Variants in COL6A6 observed in about 807,000 individuals in gnomAD.
COL6A6 encodes collagen alpha-6(VI) chain.
A neutral mutation model predicts 208.6 loss-of-function variants in COL6A6; 183 were observed. The observed-to-expected ratio is 0.88, with a 90% CI of 0.78 to 0.99. The LOEUF (loss-of-function observed/expected upper bound fraction) is 0.99, where lower values mean the gene tolerates loss of function less well. Ranked by LOEUF, COL6A6 falls within the 50% of genes least tolerant of loss-of-function variation. The pLI is 0.00. For synonymous variants in COL6A6, 973 were observed against 1,011.8 expected (o/e 0.96, Z 0.73); for missense variants, 2,816 against 2,815.2 (o/e 1.00, Z -0.01).
chr3:130,529,287 TA>T (rs563804664), intron 1 of COL6A6, among the ~76,000 whole-genome samples: 19,967 of 98,444 alleles, frequency 0.2, 2,018 homozygotes, highest in African/African-American at 0.35. Context: ...GCAGGAAATG[TA>T]AAAAAAAAAA....
chr3:130,653,171 C>T (rs995866241), intron 33 of COL6A6, among the ~76,000 whole-genome samples: 8 of 152,186 alleles, frequency 5.3e-5, no homozygotes, highest in African/African-American at 1.7e-4. Flanking sequence ...TAAAATTTGA[C>T]GTGCTGCACA....
At chr3:130,520,683 A>G (rs925095208) in intron 1 of COL6A6, among the ~76,000 whole-genome samples, 1 of 152,196 alleles carries the variant, frequency 6.6e-6, no homozygotes, top group Non-Finnish European at 1.5e-5. Context: ...TTGCACTTTG[A>G]AAATCCAATA....
At chr3:130,658,542 A>G in intron 33 of COL6A6, 134 bp from the exon 34 acceptor site, 1 of 629,692 alleles carries the variant, frequency 1.6e-6, no homozygotes, top group Non-Finnish European at 2.9e-6. Flanking sequence ...AGCCATGCTT[A>G]CATGCTGTGC....
In COL6A6 at chr3:130,649,181, G is replaced by A; in HGVS notation, c.5352G>A (p.Val1784=). ...TGAAGGAGATGATGGCTTTCCTGGTGAGAGACATTAAGGTCCGGGAGAACA... is the reference window on the plus strand; with the variant it reads ...TGAAGGAGATGATGGCTTTCCTGGTAAGAGACATTAAGGTCCGGGAGAACA... The part of the protein sequence containing the change: ...ERMKEMMAFL[V]RDIKVRENSC... The change falls in exon 33 of 37, where the codon GTG becomes GTA. Residue 1784 remains valine, a synonymous_variant. Transcript: ENST00000358511. 6.3e-7 allele frequency: 1 copy of A among 1,595,624 alleles called. No homozygotes were observed. Among genetic ancestry groups the A allele is most frequent in the Non-Finnish European group, 8.5e-7 (1 of 1,170,776 alleles).
At position 130,665,051 on chromosome 3, in the gene COL6A6, GACTTA is replaced by G. The variant is rs752551436; in HGVS notation, c.6555_6559del (p.Asn2186TyrfsTer19). The G allele has an allele frequency of 2.5e-5, 41 of 1,610,590 alleles. No homozygotes were observed. In the African/African-American group the frequency reaches 5.2e-4, roughly 20 times the overall value. ...ATAAACTTAAAAATAAAGTGCAACA[GACTTA>G]ACTCTATAGATCCAAAGCAGCCCCC... On this transcript the variant is annotated frameshift_variant, in exon 36 of 37. Coordinates refer to ENST00000358511, the MANE Select transcript of COL6A6 (RefSeq NM_001102608.3). LOFTEE classifies it low-confidence loss of function (END_TRUNC).
chr3:130,591,150 A>G lies in COL6A6; in HGVS notation c.4272+56A>G. ...ATCCCTAAAAACATCTACAATATGA[A>G]TTTCCTTGAGTCAATTCAGGGGGAA... On this transcript the variant is annotated intron_variant, in intron 13 of 36. Coordinates refer to ENST00000358511, the MANE Select transcript of COL6A6 (RefSeq NM_001102608.3). The G allele has an allele frequency of 7.8e-6, 10 of 1,277,730 alleles. No individual in the cohort carries two copies. In the South Asian group the frequency reaches 1.3e-4, roughly 16 times the overall value. 79.1% of individuals were successfully genotyped at this position (1,277,730 alleles called of 1,614,324 possible).
chr3:130,587,985 GA>G (rs2063580399), intron 11 of COL6A6, among the ~76,000 whole-genome samples: 1 of 152,128 alleles, frequency 6.6e-6, no homozygotes, highest in African/African-American at 2.4e-5. Flanking sequence ...CACTCTACAA[GA>G]AAAACTTAAT....
At chr3:130,571,974 C>T (rs187339421) in intron 7 of COL6A6, among the ~76,000 whole-genome samples, 222 of 151,602 alleles carry the variant, frequency 1.5e-3, no homozygotes, top group African/African-American at 5.3e-3. Flanking sequence ...TGGGCCACTA[C>T]ACTGAGCTGA....
At chr3:130,668,582 TATATC>T (rs951367978) in intron 36 of COL6A6, among the ~76,000 whole-genome samples, 28 of 152,148 alleles carry the variant, frequency 1.8e-4, no homozygotes, top group African/African-American at 6.3e-4. Context: ...ACCAGGCAAA[TATATC>T]AAAAATAAAG....
rs773063778 is a variant in COL6A6, at chr3:130,563,059, GT to G, written c.65-5del. On this transcript the variant is annotated splice_polypyrimidine_tract_variant and splice_region_variant and intron_variant, in intron 2 of 36. Transcript: ENST00000358511. The stretch of plus-strand genomic sequence containing the variant: ...TTTTTGGTTCGTTCATATGTTTGTG[GT>G]TTTGCAGGCCCTGAGTATGCAGATG... 1 of 1,591,286 alleles carries G rather than the reference GT, an allele frequency of 6.3e-7. No individual in the cohort carries two copies.
At chr3:130,561,491 T>G (rs149035408) in intron 2 of COL6A6, among the ~76,000 whole-genome samples, 1,698 of 152,304 alleles carry the variant, frequency 0.011, 36 homozygotes, top group African/African-American at 0.039. Context: ...AACACACAGG[T>G]CTGCCAAAGC....
intron 8 of COL6A6, among the ~76,000 whole-genome samples, chr3:130,578,093 A>C (rs2063336721): frequency 6.6e-6 from 1 of 152,134 alleles, no homozygotes; most frequent in Admixed American, 6.5e-5. Context: ...GACTTTGAGC[A>C]ATTTTTAGGA....
chr3:130,576,613 G>A (rs914054689), intron 8 of COL6A6, among the ~76,000 whole-genome samples: 13 of 151,710 alleles, frequency 8.6e-5, no homozygotes, highest in African/African-American at 3.2e-4. Flanking sequence ...GTAAAAAACA[G>A]AAGTATGAAC....
chr3:130,642,889 CAG>C (rs774559827), intron 30 of COL6A6, 22 bp downstream of exon 30: 1 of 1,613,802 alleles, frequency 6.2e-7, no homozygotes, highest in South Asian at 1.1e-5. Context: ...CCGACTACAA[CAG>C]AGTGCTCTGA....
Position 130,531,685 on chromosome 3 carries a change from T to C in COL6A6, c.-32+14288T>C, listed in dbSNP as rs76500144. 9.2e-3 allele frequency among the ~76,000 whole-genome samples: 1,404 copies of C among 152,266 alleles called. 24 individuals are homozygous for C. Among genetic ancestry groups the C allele is most frequent in the African/African-American group, 0.031 (1,274 of 41,540 alleles). ...GTCTCATAGGCCTGTGCTTTGTCCTTCTCCATTGAAACCCCTTGAAGGCAG... is the reference window on the plus strand; with the variant it reads ...GTCTCATAGGCCTGTGCTTTGTCCTCCTCCATTGAAACCCCTTGAAGGCAG... On this transcript the variant is annotated intron_variant, in intron 1 of 36. Coordinates refer to ENST00000358511, the MANE Select transcript of COL6A6 (RefSeq NM_001102608.3).
intron 23 of COL6A6, 74 bp from the exon 24 acceptor site, chr3:130,621,747 C>G: frequency 2.3e-6 from 3 of 1,321,456 alleles, no homozygotes; most frequent in South Asian, 1.2e-5. Flanking sequence ...TCACTTTCCT[C>G]TTATAAGACA....
In COL6A6 at chr3:130,566,719, G is replaced by A. The variant is rs758918919; in HGVS notation, c.1300G>A (p.Glu434Lys). Residue 434 changes from glutamate (E) to lysine (K), a missense_variant, in exon 5 of 37, where the codon GAA becomes AAA. By Grantham distance (56) the Glu-to-Lys change is moderately conservative. Transcript: ENST00000358511. ...TLKSGCVDTE[E>K]ADIYLLIDGS... The stretch of plus-strand genomic sequence containing the variant: ...CTTTTTAGGTTGTGTGGACACTGAG[G>A]AAGCAGACATCTATCTGCTTATCGA... The A allele has an allele frequency of 2.5e-6, 4 of 1,607,596 alleles. No homozygotes were observed. The African/African-American group carries it at 4.0e-5, about 16-fold the overall frequency.
chr3:130,525,656 C>G (rs766175906), intron 1 of COL6A6, among the ~76,000 whole-genome samples: 4 of 152,098 alleles, frequency 2.6e-5, no homozygotes, highest in Non-Finnish European at 5.9e-5. Context: ...ATGAGTAGGT[C>G]CTGCAAAGCT....
chr3:130,560,447 G>C lies in COL6A6; in HGVS notation c.64+19G>C. ...GATTCCGGTAAGGAAAAACTGGAAAGAATTCTTAATTTTGATTATAGAAAA... is the reference window on the plus strand; with the variant it reads ...GATTCCGGTAAGGAAAAACTGGAAACAATTCTTAATTTTGATTATAGAAAA... On this transcript the variant is annotated intron_variant, in intron 2 of 36. Transcript: ENST00000358511. 1 of 1,594,132 alleles carries C rather than the reference G, an allele frequency of 6.3e-7. No individual in the cohort carries two copies. The highest frequency in any genetic ancestry group is 1.1e-5 in the South Asian group (1 of 88,788).
Sources: gnomAD v4.1 joint callset for allele counts (sites outside exome capture counted in the v4.1 genomes callset) on GRCh38, gnomAD v4.1.1 for gene constraint, MANE v1.5 for transcripts, NCBI Gene and HGNC (gene_info 2026-07-23, HGNC 2026-07-21) for gene names.